The following DRP2 variants were observed in gnomAD, a reference collection of about 807,000 sequenced individuals.
The protein encoded by DRP2 is dystrophin-related protein 2.
A neutral mutation model predicts 78.2 loss-of-function variants in DRP2; 29 were observed. The ratio of observed to expected loss-of-function variants is 0.37; its 90% confidence interval spans 0.28 to 0.51. DRP2 has a LOEUF of 0.51. DRP2 is among the 20% of genes least tolerant of loss of function. DRP2 has a pLI of 0.94. For synonymous variants in DRP2, 290 were observed against 281.9 expected (o/e 1.03, Z -0.29); for missense variants, 686 against 770.6 (o/e 0.89, Z 1.30).
chrX:101,224,181 G>GTTTTTTTTTTTTTTTTTTTTTTTT lies in DRP2; in HGVS notation c.-166-423_-166-422insTTTTTTTTTTTTTTTTTTTTTTTT, dbSNP rs1379202759. Among the ~76,000 whole-genome samples the GTTTTTTTTTTTTTTTTTTTTTTTT allele has an allele frequency of 2.9e-4, 14 of 47,656 alleles. 3 individuals are homozygous for GTTTTTTTTTTTTTTTTTTTTTTTT. Among genetic ancestry groups the GTTTTTTTTTTTTTTTTTTTTTTTT allele is most frequent in the African/African-American group, 8.5e-4 (7 of 8,192 alleles). The allele number at this position is 47,656 out of a possible 115,157, so 41.4% of individuals were successfully genotyped here. On this transcript the variant is annotated intron_variant, in intron 1 of 23. Transcript: ENST00000395209. ...TCCCAAGAATAATAAATGTTTGCTGGGTTTTTTTTGTTTTTTTTTTTTTTT... is the reference window on the plus strand; with the variant it reads ...TCCCAAGAATAATAAATGTTTGCTGGTTTTTTTTTTTTTTTTTTTTTTTTGTTTTTTTTGTTTTTTTTTTTTTTT...
rs912919119 is a variant in DRP2 at position 101,261,502 on chromosome X, G to C, written c.*881G>C. On this transcript the variant is annotated 3_prime_UTR_variant, in exon 24 of 24. Transcript: ENST00000395209. ...GTGGCAGCTTGCTGAGCAAGGGAGT[G>C]TTGCTTTCCTTGGGTAAGGAAGAGG... 9.0e-6 allele frequency: 1 copy of C among 111,321 alleles called. No individual in the cohort carries two copies. Among genetic ancestry groups the C allele is most frequent in the Non-Finnish European group, 1.9e-5 (1 of 53,074 alleles). The allele number at this position is 111,321 out of a possible 1,213,427, so 9.2% of individuals were successfully genotyped here.
chrX:101,264,451 C>T lies in DRP2; in HGVS notation c.*3830C>T, dbSNP rs1923670923. On this transcript the variant is annotated 3_prime_UTR_variant, in exon 24 of 24. Transcript: ENST00000395209. ...TGCCACTCACTGTGGTGCTTTCCCC[C>T]TTTCCCTTGAATTCTGCTTTGAAAA... The T allele has an allele frequency of 8.9e-6, 1 of 112,071 alleles. No homozygotes were observed. The highest frequency in any genetic ancestry group is 3.2e-5 in the African/African-American group (1 of 30,829). The allele number at this position is 112,071 out of a possible 1,213,427, so 9.2% of individuals were successfully genotyped here.
At chrX:101,224,416 C>A (rs1435129169) in intron 1 of DRP2, among the ~76,000 whole-genome samples, 188 bp from the exon 2 acceptor site, 31 of 270 alleles carry the variant, frequency 0.11, no homozygotes, top group Admixed American at 0.35. Context: ...CAAAAAAAAG[C>A]CCAAAAAACC....
At chrX:101,222,360 A>G (rs1287192139) in intron 1 of DRP2, among the ~76,000 whole-genome samples, 2 of 112,452 alleles carry the variant, frequency 1.8e-5, no homozygotes, top group Non-Finnish European at 3.8e-5. Context: ...ACTGGAAGAA[A>G]TCGTCACATG....
chrX:101,258,310 A>G lies in DRP2; in HGVS notation c.2392A>G (p.Ile798Val). The change falls in exon 22 of 24, where the codon ATT becomes GTT. Residue 798 changes from isoleucine (I) to valine (V), a missense_variant and splice_region_variant. Physicochemically the swap from Ile to Val is conservative, Grantham distance 29. Transcript: ENST00000395209. Reference sequence around the variant, plus strand: ...TCTTGGTGTCTCTCTCCATGGCAGGATTCTCCAGGGAGAGCTGAGGCGCCT... The same window carrying G: ...TCTTGGTGTCTCTCTCCATGGCAGGGTTCTCCAGGGAGAGCTGAGGCGCCT... ...ILAHLEDENR[I>V]LQGELRRLKW... The G allele has an allele frequency of 8.5e-7, 1 of 1,172,564 alleles. No homozygotes were observed. The highest frequency in any genetic ancestry group is 1.8e-5 in the African/African-American group (1 of 56,684).
chrX:101,242,862 A>T (rs1388343871), intron 8 of DRP2, 42 bp from the exon 9 acceptor site: 2 of 1,151,155 alleles, frequency 1.7e-6, no homozygotes, highest in Admixed American at 4.4e-5. Context: ...CACTCTAAAT[A>T]GCTGGAATGA....
chrX:101,249,196 G>A (rs1256019324), intron 14 of DRP2, among the ~76,000 whole-genome samples: 2 of 111,959 alleles, frequency 1.8e-5, no homozygotes, highest in East Asian at 5.6e-4. Flanking sequence ...TAAATTAGAC[G>A]TGGTCCCTGC....
chrX:101,246,230 C>G (rs2147344693), intron 11 of DRP2, among the ~76,000 whole-genome samples: 1 of 112,201 alleles, frequency 8.9e-6, no homozygotes, highest in South Asian at 3.8e-4. Context: ...CCCCTCTGGA[C>G]CATTTTATCA....
intron 2 of DRP2, among the ~76,000 whole-genome samples, chrX:101,227,423 A>G (rs1922158339): frequency 9.0e-6 from 1 of 111,564 alleles, no homozygotes; most frequent in African/African-American, 3.3e-5. Flanking sequence ...ATGGAGCTAG[A>G]TAGAGGCAGA....
chrX:101,231,418 C>T (rs1922303506), intron 2 of DRP2, 167 bp from the exon 3 acceptor site: 1 of 413,099 alleles, frequency 2.4e-6, no homozygotes, highest in Admixed American at 4.0e-5. Flanking sequence ...ATAAATGCTT[C>T]CTTGGTCAAT....
chrX:101,260,245 C>T lies in DRP2; in HGVS notation c.2749+76C>T, dbSNP rs1164462944. 2.5e-5 allele frequency: 29 copies of T among 1,161,526 alleles called. No homozygotes were observed. In the South Asian group the frequency reaches 4.1e-4, roughly 16 times the overall value. On this transcript the variant is annotated intron_variant, in intron 23 of 23. Coordinates refer to ENST00000395209, the MANE Select transcript of DRP2 (RefSeq NM_001939.3). ...CCTCGATTTCCTGCCCAAGGCTTTG[C>T]GGGGCTGGGACTGGTTTCTCCTCTT...
chrX:101,232,282 G>A (rs1178601048), intron 3 of DRP2, among the ~76,000 whole-genome samples: 1 of 111,455 alleles, frequency 9.0e-6, no homozygotes, highest in African/African-American at 3.3e-5. Context: ...GATGGTGGTG[G>A]TGTATGTGTC....
At chrX:101,236,097 C>G in intron 4 of DRP2, 74 bp downstream of exon 4, 2 of 1,099,487 alleles carry the variant, frequency 1.8e-6, no homozygotes, top group Non-Finnish European at 2.5e-6. Context: ...CTGTCCTTCT[C>G]CTCTCAGCCT....
chrX:101,242,026 T>C (rs1265804547), intron 7 of DRP2, 90 bp downstream of exon 7: 6 of 1,042,023 alleles, frequency 5.8e-6, no homozygotes, highest in African/African-American at 1.9e-5. Flanking sequence ...TGAGACTCCA[T>C]TGTTGGCCTG....
Position 101,262,994 on chromosome X carries a change from G to A in DRP2, c.*2373G>A, listed in dbSNP as rs1923617242. The A allele has an allele frequency of 8.9e-6, 1 of 111,859 alleles. No individual in the cohort carries two copies. Among genetic ancestry groups the A allele is most frequent in the Admixed American group, 9.4e-5 (1 of 10,589 alleles). 9.2% of individuals were successfully genotyped at this position (111,859 alleles called of 1,213,427 possible). ...CTGAGGGCCTGTGGCAACTGCAGTG[G>A]GCCAGGCATGGTAGAAAAGATGTAG... On this transcript the variant is annotated 3_prime_UTR_variant, in exon 24 of 24. Transcript: ENST00000395209.
chrX:101,247,949 C>A, intron 12 of DRP2, 140 bp from the exon 13 acceptor site: 1 of 536,458 alleles, frequency 1.9e-6, no homozygotes, highest in Admixed American at 3.3e-5. Context: ...TAGTAAAGGA[C>A]AAGCTTGTAT....
chrX:101,255,412 G>A (rs896930033), intron 20 of DRP2, among the ~76,000 whole-genome samples, 163 bp downstream of exon 20: 3 of 111,211 alleles, frequency 2.7e-5, no homozygotes, highest in Non-Finnish European at 5.7e-5. Context: ...TGTTCAGTAA[G>A]AAAGGCAGTC....
In DRP2 at chrX:101,248,297, G is replaced by A; in HGVS notation, c.1454+7G>A. On this transcript the variant is annotated splice_region_variant and intron_variant, in intron 13 of 23. Transcript: ENST00000395209. ...TCCTCAATGTTTTTGATAGGTAAGG[G>A]CTTTCAGCTCTGGAAGCCTCCAGGA... 2.5e-6 allele frequency: 3 copies of A among 1,207,118 alleles called. No homozygotes were observed. Among genetic ancestry groups the A allele is most frequent in the African/African-American group, 1.7e-5 (1 of 57,665 alleles).
intron 4 of DRP2, among the ~76,000 whole-genome samples, chrX:101,236,601 A>G (rs1399457984): frequency 8.9e-6 from 1 of 112,027 alleles, no homozygotes; most frequent in Non-Finnish European, 1.9e-5. Flanking sequence ...CTGTCTGTGC[A>G]TGCCTGCCAC....
Sources: gnomAD v4.1 joint callset for allele counts (sites outside exome capture counted in the v4.1 genomes callset) on GRCh38, gnomAD v4.1.1 for gene constraint, MANE v1.5 for transcripts, NCBI Gene and HGNC (gene_info 2026-07-23, HGNC 2026-07-21) for gene names.